The following TSC22D1 variants were observed in gnomAD, a reference collection of about 807,000 sequenced individuals.
TSC22D1 encodes the protein TSC22 domain family member 1.
A neutral mutation model predicts 74.2 loss-of-function variants in TSC22D1; 9 were observed. The ratio of observed to expected loss-of-function variants is 0.12; its 90% confidence interval spans 0.07 to 0.21. The LOEUF (loss-of-function observed/expected upper bound fraction) is 0.21, where lower values mean the gene tolerates loss of function less well. Among genes scored for constraint, TSC22D1 ranks in the 10% least tolerant of loss-of-function variants. The pLI is 1.00. For synonymous variants in TSC22D1, 586 were observed against 492.5 expected, an observed-to-expected ratio of 1.19 and a Z score of -2.51; for missense variants, 1,427 against 1,304.7, an observed-to-expected ratio of 1.09 and a Z score of -1.44.
intron 1 of TSC22D1, among the ~76,000 whole-genome samples, chr13:44,554,737 G>C (rs1218110781): frequency 2.7e-5 from 4 of 148,198 alleles, no homozygotes; most frequent in African/African-American, 9.9e-5. Context: ...TTTTTATATA[G>C]ATAAATTCGC....
At chr13:44,533,056 T>C (rs1266743849) in intron 1 of TSC22D1, among the ~76,000 whole-genome samples, 1 of 152,154 alleles carries the variant, frequency 6.6e-6, no homozygotes, top group Non-Finnish European at 1.5e-5. Flanking sequence ...TGTGGTATTT[T>C]TGGATACCAA....
chr13:44,451,583 CAGAG>C (rs1339150423), intron 1 of TSC22D1: 7 of 152,188 alleles, frequency 4.6e-5, no homozygotes, highest in African/African-American at 1.4e-4. Context: ...AGCCTGCTAC[CAGAG>C]TGAAAGGGTG....
rs1352294032 is a variant in TSC22D1 at position 44,571,244 on chromosome 13, G to A, written c.2912+1919C>T. Among the ~76,000 whole-genome samples the A allele has an allele frequency of 4.6e-5, 7 of 152,162 alleles. No homozygotes were observed. The East Asian group carries it at 1.3e-3, about 29-fold the overall frequency. ...GCTATATTTCCTTATTTCTCAGTAT[G>A]TCTTTTTGTCCCTTTCTAGAATTCC... On this transcript the variant is annotated intron_variant, in intron 1 of 2. Coordinates refer to ENST00000458659, the MANE Select transcript of TSC22D1 (RefSeq NM_183422.4).
intron 1 of TSC22D1, among the ~76,000 whole-genome samples, chr13:44,520,540 A>C (rs192723614): frequency 4.8e-4 from 73 of 152,286 alleles, no homozygotes; most frequent in Non-Finnish European, 9.6e-4. Context: ...TAAATCAATG[A>C]AAGTTTTAGA....
At chr13:44,544,449 TTGTG>T (rs925172387) in intron 1 of TSC22D1, among the ~76,000 whole-genome samples, 2 of 151,394 alleles carry the variant, frequency 1.3e-5, no homozygotes, top group Admixed American at 6.6e-5. Context: ...ACCATAAATC[TTGTG>T]TGTATTATCA....
chr13:44,498,961 TA>T (rs796565328), intron 1 of TSC22D1, among the ~76,000 whole-genome samples: 161 of 151,432 alleles, frequency 1.1e-3, no homozygotes, highest in African/African-American at 3.6e-3. Context: ...TAAGGAAATG[TA>T]AAAAAAAATG....
At chr13:44,436,135 T>G (rs1403608148) in intron 1 of TSC22D1, 40 bp from the exon 2 acceptor site, 1 of 1,600,776 alleles carries the variant, frequency 6.2e-7, no homozygotes, top group South Asian at 1.1e-5. Flanking sequence ...ATAAATGGAA[T>G]TTATCTTAAG....
At chr13:44,543,960 G>A (rs1031152505) in intron 1 of TSC22D1, among the ~76,000 whole-genome samples, 15 of 152,092 alleles carry the variant, frequency 9.9e-5, no homozygotes, top group African/African-American at 3.6e-4. Context: ...GGGCATGGTG[G>A]CGCTCACCTG....
chr13:44,574,224 G>C lies in TSC22D1; in HGVS notation c.1851C>G (p.Pro617=). Residue 617 remains proline, a synonymous_variant, in exon 1 of 3, where the codon CCC becomes CCG. Coordinates refer to ENST00000458659, the MANE Select transcript of TSC22D1 (RefSeq NM_183422.4). ...GTTGGGGTGGTGGTGCCCCTGGAAG[G>C]GGAGTTTGCACTGGAGGAGCCGCCT... ...YSQAAPPVQT[P]LPGAPPPQQL... The C allele has an allele frequency of 4.3e-6, 7 of 1,614,224 alleles. No homozygotes were observed. Among genetic ancestry groups the C allele is most frequent in the Non-Finnish European group, 5.9e-6 (7 of 1,180,030 alleles).
intron 1 of TSC22D1, among the ~76,000 whole-genome samples, chr13:44,448,614 A>G (rs187316779): frequency 1.6e-4 from 25 of 152,320 alleles, no homozygotes; most frequent in Admixed American, 5.2e-4. Context: ...TGCTTCGATC[A>G]AGGGACACAT....
chr13:44,547,509 A>G (rs1345057997), intron 1 of TSC22D1, among the ~76,000 whole-genome samples: 4 of 152,224 alleles, frequency 2.6e-5, no homozygotes, highest in South Asian at 4.1e-4. Flanking sequence ...CAAAAAAGCA[A>G]AAGTTCTTTC....
At chr13:44,461,999 G>A (rs1319592597) in intron 1 of TSC22D1, among the ~76,000 whole-genome samples, 1 of 152,132 alleles carries the variant, frequency 6.6e-6, no homozygotes, top group Non-Finnish European at 1.5e-5. Context: ...CAGAAGGAAG[G>A]CAAAAGCAGA....
intron 1 of TSC22D1, 91 bp from the exon 2 acceptor site, chr13:44,436,186 TAGC>T (rs1375097888): frequency 1.5e-6 from 2 of 1,371,730 alleles, no homozygotes; most frequent in Non-Finnish European, 2.0e-6. Flanking sequence ...GTGATATTGC[TAGC>T]ATCATATTTT....
At chr13:44,482,159 A>G (rs1212335707) in intron 1 of TSC22D1, among the ~76,000 whole-genome samples, 1 of 152,210 alleles carries the variant, frequency 6.6e-6, no homozygotes, top group African/African-American at 2.4e-5. Context: ...CTGTTAGTCT[A>G]CTAAGTGCCA....
intron 1 of TSC22D1, chr13:44,536,926 G>GAAA (rs10596156): frequency 4.2e-5 from 21 of 495,180 alleles, no homozygotes; most frequent in African/African-American, 4.7e-5. Flanking sequence ...GTATTTTTCT[G>GAAA]AAAAAAAAAA....
At chr13:44,558,728 AGACTCC>A (rs1882850652) in intron 1 of TSC22D1, among the ~76,000 whole-genome samples, 2 of 152,190 alleles carry the variant, frequency 1.3e-5, no homozygotes, top group African/African-American at 2.4e-5. Flanking sequence ...TGACAGAGCA[AGACTCC>A]ATCTCAAAAA....
In TSC22D1 at chr13:44,434,345, T is replaced by G. The variant is rs1595071662; in HGVS notation, c.*281A>C. 1 of 1,377,158 alleles carries G rather than the reference T, an allele frequency of 7.3e-7. No homozygotes were observed. Among genetic ancestry groups the G allele is most frequent in the East Asian group, 2.9e-5 (1 of 34,886 alleles). 85.3% of individuals were successfully genotyped at this position (1,377,158 alleles called of 1,614,324 possible). ...TGGAAAGGCACACAGCTCCTGAGCATGAATTAAACCATTTCTCAGATATCT... is the reference window on the plus strand; with the variant it reads ...TGGAAAGGCACACAGCTCCTGAGCAGGAATTAAACCATTTCTCAGATATCT... On this transcript the variant is annotated 3_prime_UTR_variant, in exon 3 of 3. Coordinates refer to ENST00000458659, the MANE Select transcript of TSC22D1 (RefSeq NM_183422.4).
intron 1 of TSC22D1, chr13:44,538,504 A>G: frequency 1.0e-6 from 1 of 985,412 alleles, no homozygotes; most frequent in Middle Eastern, 5.2e-4. Context: ...GTGATTTTCA[A>G]TCCCACAAAT....
chr13:44,505,667 T>C (rs1879414643), intron 1 of TSC22D1, among the ~76,000 whole-genome samples: 1 of 152,228 alleles, frequency 6.6e-6, no homozygotes, highest in Admixed American at 6.5e-5. Context: ...GAAAAAACTC[T>C]GTGATTTCAC....
Sources: allele counts gnomAD v4.1 joint callset (sites outside exome capture counted in the v4.1 genomes callset), GRCh38; gene constraint gnomAD v4.1.1; transcripts MANE v1.5; gene names NCBI Gene and HGNC (gene_info 2026-07-23, HGNC 2026-07-21).